Variants in RAB11FIP4 observed in about 807,000 individuals in gnomAD.
RAB11FIP4 encodes the protein RAB11 family interacting protein 4.
In RAB11FIP4, 23 loss-of-function variants were observed where a neutral mutation model predicts 74.3. The observed-to-expected ratio is 0.31, with a 90% confidence interval of 0.22 to 0.44. The LOEUF is 0.44. Ranked by LOEUF, RAB11FIP4 falls within the 20% of genes least tolerant of loss-of-function variation. The pLI is 1.00. For missense variants in RAB11FIP4, 630 were observed against 863.9 expected (o/e 0.73, Z 3.39); for synonymous variants, 360 against 359.9 (o/e 1.00, Z 0.00).
rs777543445 is a variant in RAB11FIP4, at chr17:31,522,369, A to C, written c.903A>C (p.Arg301=). 4 of 1,613,862 alleles carry C rather than the reference A, an allele frequency of 2.5e-6. No individual in the cohort carries two copies. The highest frequency in any genetic ancestry group is 3.4e-6 in the Non-Finnish European group (4 of 1,179,938). Residue 301 remains arginine, a synonymous_variant, in exon 7 of 15, where the codon CGA becomes CGC. Coordinates refer to ENST00000621161, the MANE Select transcript of RAB11FIP4 (RefSeq NM_032932.6). ...TCCTTTCTCTCTCTAGCCCCAACCGAAAGATCTCCAGCACGGCCTTTGGAC... is the reference window on the plus strand; with the variant it reads ...TCCTTTCTCTCTCTAGCCCCAACCGCAAGATCTCCAGCACGGCCTTTGGAC... The part of the protein sequence containing the change: ...LKNLKANSPN[R]KISSTAFGRQ...
chr17:31,490,822 G>A (rs188034911), intron 3 of RAB11FIP4, among the ~76,000 whole-genome samples: 26 of 152,338 alleles, frequency 1.7e-4, no homozygotes, highest in Non-Finnish European at 1.5e-4. Context: ...TTCCCAAAGC[G>A]CTGGGACTAC....
intron 3 of RAB11FIP4, among the ~76,000 whole-genome samples, chr17:31,469,438 A>G (rs1326925907): frequency 6.6e-6 from 1 of 152,074 alleles, no homozygotes. Flanking sequence ...TGTGCAACAT[A>G]ATGAGATCTT....
chr17:31,434,545 C>T (rs1015011488), intron 3 of RAB11FIP4, among the ~76,000 whole-genome samples: 1 of 152,204 alleles, frequency 6.6e-6, no homozygotes, highest in African/African-American at 2.4e-5. Flanking sequence ...GTTCCACCTG[C>T]CACTAACTAC....
intron 13 of RAB11FIP4, among the ~76,000 whole-genome samples, chr17:31,529,400 C>T (rs1409898362): frequency 6.6e-6 from 1 of 152,086 alleles, no homozygotes; most frequent in Non-Finnish European, 1.5e-5. Context: ...GCAGTTAGGA[C>T]TACAGGAGAG....
chr17:31,488,044 T>C (rs1189815164), intron 3 of RAB11FIP4: 3 of 1,013,442 alleles, frequency 3.0e-6, no homozygotes, highest in Non-Finnish European at 3.5e-6. Context: ...CGCAGCTTGA[T>C]ACAAAGAGCC....
At chr17:31,402,598 T>TTTTATTTA (rs3058625) in intron 1 of RAB11FIP4, among the ~76,000 whole-genome samples, 35,007 of 142,554 alleles carry the variant, frequency 0.25, 5,076 homozygotes, top group African/African-American at 0.39. Flanking sequence ...TTTTATTTAT[T>TTTTATTTA]TTTATTTATT....
At chr17:31,524,126 C>T (rs955112867) in intron 9 of RAB11FIP4, 130 bp downstream of exon 9, 37 of 678,328 alleles carry the variant, frequency 5.5e-5, no homozygotes, top group Non-Finnish European at 6.5e-5. Context: ...ACGCATCAGC[C>T]TCTTGTCACA....
chr17:31,525,316 A>G, intron 10 of RAB11FIP4, 86 bp downstream of exon 10: 1 of 1,361,886 alleles, frequency 7.3e-7, no homozygotes, highest in Non-Finnish European at 9.8e-7. Context: ...CCCATTTTAT[A>G]GATGGGAATG....
chr17:31,463,991 T>G (rs927394686), intron 3 of RAB11FIP4, among the ~76,000 whole-genome samples: 1 of 151,402 alleles, frequency 6.6e-6, no homozygotes, highest in African/African-American at 2.4e-5. Flanking sequence ...TTTTTGTATT[T>G]TTAGTAGAGG....
At chr17:31,482,709 A>G (rs1597944379) in intron 3 of RAB11FIP4, among the ~76,000 whole-genome samples, 1 of 152,334 alleles carries the variant, frequency 6.6e-6, no homozygotes, top group East Asian at 1.9e-4. Context: ...TCCCTAAGCC[A>G]CTGCTTAAGT....
Position 31,403,898 on chromosome 17 carries a change from G to T in RAB11FIP4, c.159+11887G>T, listed in dbSNP as rs7502717. Among the ~76,000 whole-genome samples the T allele has an allele frequency of 1.8e-4, 28 of 152,278 alleles. No homozygotes were observed. In the East Asian group the frequency reaches 5.0e-3, roughly 27 times the overall value. ...CTCTGGCTGGGGACTTTGAGCCTGG[G>T]GTGGTCTCGGTTGGGAAATGCGCAG... On this transcript the variant is annotated intron_variant, in intron 1 of 14. Coordinates refer to ENST00000621161, the MANE Select transcript of RAB11FIP4 (RefSeq NM_032932.6).
At chr17:31,511,456 C>G (rs1323195069) in intron 3 of RAB11FIP4, among the ~76,000 whole-genome samples, 2 of 152,362 alleles carry the variant, frequency 1.3e-5, no homozygotes, top group African/African-American at 4.8e-5. Flanking sequence ...GGTCCTGTGG[C>G]TGTGCTGTTC....
intron 3 of RAB11FIP4, among the ~76,000 whole-genome samples, chr17:31,450,013 C>T (rs1458478416): frequency 1.3e-5 from 2 of 152,162 alleles, no homozygotes; most frequent in Admixed American, 6.5e-5. Flanking sequence ...TGGGAACACT[C>T]GATAGTCTCC....
At chr17:31,464,777 T>TTTTTG in intron 3 of RAB11FIP4, among the ~76,000 whole-genome samples, 1 of 131,322 alleles carries the variant, frequency 7.6e-6, no homozygotes, top group Non-Finnish European at 1.6e-5. Context: ...TTTTTTTTTT[T>TTTTTG]TGAGACAAGG....
chr17:31,490,019 T>C (rs941258367), intron 3 of RAB11FIP4, among the ~76,000 whole-genome samples: 2 of 151,952 alleles, frequency 1.3e-5, no homozygotes, highest in African/African-American at 4.8e-5. Context: ...GAAGGGACTT[T>C]TAGGCAAGTG....
intron 3 of RAB11FIP4, among the ~76,000 whole-genome samples, chr17:31,478,364 C>T (rs2071815555): frequency 6.6e-6 from 1 of 152,138 alleles, no homozygotes; most frequent in Non-Finnish European, 1.5e-5. Context: ...GCATTGTTTG[C>T]CCAGGTGTGC....
Position 31,521,212 on chromosome 17 carries a change from C to A in RAB11FIP4, c.610C>A (p.His204Asn). The A allele has an allele frequency of 6.2e-7, 1 of 1,613,158 alleles. No individual in the cohort carries two copies. The highest frequency in any genetic ancestry group is 8.5e-7 in the Non-Finnish European group (1 of 1,179,456). Reference protein sequence around the residue: ...PSMTTSDLSTHSTTSLISNEE... With the variant: ...PSMTTSDLSTNSTTSLISNEE... ...CATGACGACCTCAGACCTTTCTACA[C>A]ACTCCACCACCTCGCTCATCAGCAA... Residue 204 changes from histidine (H) to asparagine (N), a missense_variant, in exon 5 of 15, where the codon CAC becomes AAC. Physicochemically the swap from His to Asn is moderately conservative, Grantham distance 68. Coordinates refer to ENST00000621161, the MANE Select transcript of RAB11FIP4 (RefSeq NM_032932.6).
intron 7 of RAB11FIP4, 69 bp downstream of exon 7, chr17:31,522,464 G>A: frequency 6.6e-7 from 1 of 1,505,202 alleles, no homozygotes; most frequent in South Asian, 1.2e-5. Context: ...GGGGCTCCCT[G>A]CCAGCAGCCC....
chr17:31,537,353 T>A lies in RAB11FIP4; in HGVS notation c.*5621T>A, dbSNP rs1238803335. ...GCTCAGCCTGTAGACTTGGTAACTT[T>A]GTACAGAATCTTTCATTATTGTCTT... On this transcript the variant is annotated 3_prime_UTR_variant, in exon 15 of 15. Transcript: ENST00000621161. The A allele has an allele frequency of 2.5e-6, 1 of 397,748 alleles. No individual in the cohort carries two copies. The highest frequency in any genetic ancestry group is 4.4e-6 in the Non-Finnish European group (1 of 225,862). 24.6% of individuals were successfully genotyped at this position (397,748 alleles called of 1,614,324 possible). A position where few individuals can be genotyped will look rare whatever the true frequency, so the allele number is the denominator to read the frequency against.
Sources: allele counts gnomAD v4.1 joint callset (sites outside exome capture counted in the v4.1 genomes callset), GRCh38; gene constraint gnomAD v4.1.1; transcripts MANE v1.5; gene names NCBI Gene and HGNC (gene_info 2026-07-23, HGNC 2026-07-21).